RPA3: variants seen among roughly 807,000 people sequenced by gnomAD.
RPA3 encodes the protein replication protein A 14 kDa subunit.
In RPA3, 24 loss-of-function variants were observed where a neutral mutation model predicts 13.7. The ratio of observed to expected loss-of-function variants is 1.75; its 90% CI spans 1.27 to 2.46. The LOEUF is 2.46. RPA3 is among the 30% of genes most tolerant of loss of function. The pLI, the probability that RPA3 is intolerant of heterozygous loss-of-function variation, is 0.00. For synonymous variants in RPA3, 59 were observed against 51.2 expected (o/e 1.15, Z -0.65); for missense variants, 183 against 151.0 (o/e 1.21, Z -1.11).
At position 7,659,700 on chromosome 7, in the gene RPA3, TGAG is replaced by T. The variant is rs1304505587; in HGVS notation, c.-757-18528_-757-18526del. On this transcript the variant is annotated intron_variant, in intron 4 of 7. Transcript: ENST00000223129. ...ATGATTTCCGTTCTTTTGCATTTCC[TGAG>T]GAGTGTTTTACTTCCAATTATGTGG... Among the ~76,000 whole-genome samples the T allele has an allele frequency of 2.0e-5, 3 of 152,352 alleles. No homozygotes were observed. In the East Asian group the frequency reaches 5.8e-4, roughly 29 times the overall value.
intron 4 of RPA3, among the ~76,000 whole-genome samples, chr7:7,677,642 TTATC>T (rs1185105011): frequency 1.3e-5 from 2 of 151,744 alleles, no homozygotes; most frequent in East Asian, 1.9e-4. Context: ...CACATTTTCT[TTATC>T]TATTCATCTG....
intron 4 of RPA3, among the ~76,000 whole-genome samples, chr7:7,674,087 C>T (rs982748060): frequency 1.3e-5 from 2 of 152,190 alleles, no homozygotes; most frequent in Non-Finnish European, 2.9e-5. Flanking sequence ...ATGCTCTTCC[C>T]AGAAATTCTC....
rs1229148579 is a variant in RPA3 at position 7,709,826 on chromosome 7, A to G, written c.-1028+5349T>C. On this transcript the variant is annotated intron_variant, in intron 2 of 7. Transcript: ENST00000223129. ...AGAACATATTCAGAATGACAATGTG[A>G]TGAACACCTGTGTACCCACCAATTG... 6.6e-5 allele frequency among the ~76,000 whole-genome samples: 10 copies of G among 152,234 alleles called. 1 individual carries two copies. Among genetic ancestry groups the G allele is most frequent in the African/African-American group, 2.4e-4 (10 of 41,544 alleles).
At chr7:7,645,443 T>A (rs1480503976) in intron 4 of RPA3, among the ~76,000 whole-genome samples, 1 of 152,208 alleles carries the variant, frequency 6.6e-6, no homozygotes, top group East Asian at 1.9e-4. Flanking sequence ...ATTCAATATC[T>A]AGTTCCATAT....
intron 4 of RPA3, among the ~76,000 whole-genome samples, 177 bp downstream of exon 4, chr7:7,685,653 G>T (rs1563121318): frequency 6.6e-6 from 1 of 152,124 alleles, no homozygotes; most frequent in Middle Eastern, 3.4e-3. Flanking sequence ...TTAAGTGTTG[G>T]CCCACTTGGT....
At chr7:7,664,211 C>G (rs1779372357) in intron 4 of RPA3, among the ~76,000 whole-genome samples, 1 of 152,068 alleles carries the variant, frequency 6.6e-6, no homozygotes, top group African/African-American at 2.4e-5. Context: ...CCCTACTTTT[C>G]CTTTTCTTAT....
chr7:7,676,589 C>T (rs895074080), intron 4 of RPA3, among the ~76,000 whole-genome samples: 1 of 152,082 alleles, frequency 6.6e-6, no homozygotes, highest in African/African-American at 2.4e-5. Flanking sequence ...AGAGAAAGTG[C>T]TGTTTTTTAT....
intron 2 of RPA3, among the ~76,000 whole-genome samples, chr7:7,706,673 A>T (rs904381123): frequency 5.9e-5 from 9 of 152,178 alleles, no homozygotes; most frequent in African/African-American, 2.2e-4. Context: ...ACTTAGTACT[A>T]TTATTTCTAA....
intron 2 of RPA3, among the ~76,000 whole-genome samples, chr7:7,703,734 G>A (rs1426431762): frequency 6.6e-6 from 1 of 152,178 alleles, no homozygotes; most frequent in African/African-American, 2.4e-5. Flanking sequence ...GAGCCCAGGA[G>A]TTTGAGATCA....
Position 7,640,573 on chromosome 7 carries a change from G to C in RPA3, c.-155C>G. The C allele has an allele frequency of 1.5e-6, 1 of 676,732 alleles. No homozygotes were observed. The highest frequency in any genetic ancestry group is 2.7e-5 in the East Asian group (1 of 36,492). 41.9% of individuals were successfully genotyped at this position (676,732 alleles called of 1,614,324 possible). On this transcript the variant is annotated 5_prime_UTR_variant, in exon 5 of 8. Coordinates refer to ENST00000223129, the MANE Select transcript of RPA3 (RefSeq NM_002947.5). The stretch of plus-strand genomic sequence containing the variant: ...ATGCGCGGAAACCTAAATCGCAATC[G>C]CGCTGTCTCTGAAAGGGGTGGAGAA...
At chr7:7,693,522 T>C (rs1012292055) in intron 2 of RPA3, among the ~76,000 whole-genome samples, 12 of 152,180 alleles carry the variant, frequency 7.9e-5, no homozygotes, top group African/African-American at 2.2e-4. Context: ...TCGATAGTTC[T>C]TTTATTCTCA....
chr7:7,661,938 T>C (rs988439021), intron 4 of RPA3, among the ~76,000 whole-genome samples: 4 of 152,138 alleles, frequency 2.6e-5, no homozygotes, highest in Non-Finnish European at 5.9e-5. Flanking sequence ...GCTCTGTCCC[T>C]GGGAGATGGG....
In RPA3 at chr7:7,659,877, A is replaced by G. The variant is rs115159042; in HGVS notation, c.-757-18702T>C. ...TCCTTGTTAATTTTCTGTCTCGTTG[A>G]TGTATCTAATATTGACTGTGAGTTG... On this transcript the variant is annotated intron_variant, in intron 4 of 7. Transcript: ENST00000223129. 5.2e-3 allele frequency among the ~76,000 whole-genome samples: 788 copies of G among 152,182 alleles called. 9 individuals carry two copies. Among genetic ancestry groups the G allele is most frequent in the African/African-American group, 0.018 (760 of 41,516 alleles).
intron 2 of RPA3, among the ~76,000 whole-genome samples, chr7:7,695,978 T>A (rs1780304954): frequency 2.2e-5 from 3 of 133,430 alleles, no homozygotes; most frequent in Non-Finnish European, 4.7e-5. Context: ...TGTGTATATC[T>A]CCGTTTTTTT....
chr7:7,673,536 A>G (rs1563108444), intron 4 of RPA3: 3 of 651,784 alleles, frequency 4.6e-6, no homozygotes, highest in Middle Eastern at 5.2e-4. Flanking sequence ...ATTGATTTTA[A>G]ATTATTTCTT....
At chr7:7,673,975 CAAAT>C (rs1355623296) in intron 4 of RPA3, among the ~76,000 whole-genome samples, 1 of 152,148 alleles carries the variant, frequency 6.6e-6, no homozygotes, top group Non-Finnish European at 1.5e-5. Context: ...TTCTTACAAT[CAAAT>C]ACAGTGTTCT....
chr7:7,637,706 CTGTA>C (rs1301156482), intron 7 of RPA3, among the ~76,000 whole-genome samples, 154 bp downstream of exon 7: 1 of 150,220 alleles, frequency 6.7e-6, no homozygotes. Context: ...TTATATAAAA[CTGTA>C]TGTTATGTAA....
chr7:7,718,291 C>T (rs1780968170), intron 1 of RPA3, among the ~76,000 whole-genome samples: 1 of 152,086 alleles, frequency 6.6e-6, no homozygotes. Context: ...AACCATAAAA[C>T]TATTTTGATA....
intron 4 of RPA3, among the ~76,000 whole-genome samples, chr7:7,676,922 G>C (rs1779755542): frequency 6.6e-6 from 1 of 151,918 alleles, no homozygotes. Flanking sequence ...TGCTCTGCTA[G>C]GTTTCTCTTT....
Sources: gnomAD v4.1 joint callset for allele counts (sites outside exome capture counted in the v4.1 genomes callset) on GRCh38, gnomAD v4.1.1 for gene constraint, MANE v1.5 for transcripts, NCBI Gene and HGNC (gene_info 2026-07-23, HGNC 2026-07-21) for gene names.